Variants in TARS3 observed in about 807,000 individuals in gnomAD.
The protein encoded by TARS3 is threonyl-tRNA synthetase 3.
A neutral mutation model predicts 103.5 loss-of-function variants in TARS3; 94 were observed. The observed-to-expected ratio is 0.91, with a 90% CI of 0.77 to 1.08. TARS3 has a LOEUF of 1.08. Ranked by LOEUF, TARS3 falls within the 50% of genes least tolerant of loss-of-function variation. The probability of loss-of-function intolerance (pLI) is 0.00; values close to 1 mark genes in which losing one functional copy is unlikely to be tolerated. For missense variants in TARS3, 952 were observed against 995.2 expected (o/e 0.96, Z 0.58); for synonymous variants, 416 against 355.4 (o/e 1.17, Z -1.92).
intron 10 of TARS3, among the ~76,000 whole-genome samples, chr15:101,695,255 C>A (rs1251753907): frequency 6.6e-6 from 1 of 152,090 alleles, no homozygotes; most frequent in Non-Finnish European, 1.5e-5. Flanking sequence ...CCCTCCTGAC[C>A]CCCTGGAGTC....
In TARS3 at chr15:101,701,160, C is replaced by T. The variant is rs768862987; in HGVS notation, c.1246G>A (p.Asp416Asn). 5.6e-6 allele frequency: 9 copies of T among 1,594,868 alleles called. No individual in the cohort carries two copies. The African/African-American group carries it at 6.8e-5, about 12-fold the overall frequency. Residue 416 changes from aspartate (D) to asparagine (N), a missense_variant, in exon 10 of 19, where the codon GAT (aspartate) becomes AAT (asparagine). Physicochemically the swap from Asp to Asn is conservative, Grantham distance 23. Transcript: ENST00000335968. Reference protein sequence around the residue: ...GKEQELFFFHDLSPGSCFFLP... With the variant: ...GKEQELFFFHNLSPGSCFFLP... ...AAAAAACAGCTTCCAGGACTCAAAT[C>T]GTGGAAAAAGAAAAGTTCTTGTTCC...
intron 12 of TARS3, among the ~76,000 whole-genome samples, chr15:101,681,838 G>T (rs1898267029): frequency 6.6e-6 from 1 of 152,152 alleles, no homozygotes. Context: ...TATAAATTTT[G>T]GGAGTCACAA....
chr15:101,715,094 G>C, intron 3 of TARS3, 131 bp from the exon 4 acceptor site: 4 of 733,904 alleles, frequency 5.5e-6, no homozygotes, highest in Non-Finnish European at 7.9e-6. Flanking sequence ...TAATAGGACA[G>C]ATATTTCTTG....
At chr15:101,722,872 T>C (rs62027626) in intron 2 of TARS3, among the ~76,000 whole-genome samples, 35,057 of 151,760 alleles carry the variant, frequency 0.23, 4,314 homozygotes, top group African/African-American at 0.26. Flanking sequence ...AGTACTCTAG[T>C]AGCACAACTT....
intron 12 of TARS3, among the ~76,000 whole-genome samples, chr15:101,681,576 C>T (rs1418287407): frequency 6.6e-6 from 1 of 152,216 alleles, no homozygotes; most frequent in Non-Finnish European, 1.5e-5. Context: ...CACAGTTCTG[C>T]AGGCTGGGAA....
In TARS3 at chr15:101,686,384, G is replaced by A. The variant is rs1456395746; in HGVS notation, c.1321-322C>T. 1.3e-5 allele frequency among the ~76,000 whole-genome samples: 2 copies of A among 152,048 alleles called. 1 individual carries two copies. On this transcript the variant is annotated intron_variant, in intron 10 of 18. Coordinates refer to ENST00000335968, the MANE Select transcript of TARS3 (RefSeq NM_152334.3). The stretch of plus-strand genomic sequence containing the variant: ...AACTACTCCAAAGTCCTTCTAAACA[G>A]GTTTTTTCCTATTAAGAGGCAGAAA...
intron 4 of TARS3, among the ~76,000 whole-genome samples, chr15:101,714,065 A>G (rs898444022): frequency 6.6e-6 from 1 of 152,214 alleles, no homozygotes; most frequent in Non-Finnish European, 1.5e-5. Flanking sequence ...GGGCGACTGC[A>G]ACGTTCAGGC....
intron 6 of TARS3, among the ~76,000 whole-genome samples, chr15:101,708,257 GAAAAAAAAAAAAAA>G (rs60601502): frequency 4.1e-5 from 2 of 48,602 alleles, no homozygotes; most frequent in African/African-American, 1.8e-4. Flanking sequence ...GACTCTGTCT[GAAAAAAAAAAAAAA>G]AAAAAAAAAA....
intron 8 of TARS3, among the ~76,000 whole-genome samples, chr15:101,702,652 C>A (rs1022727650): frequency 1.3e-5 from 2 of 152,152 alleles, no homozygotes; most frequent in African/African-American, 2.4e-5. Flanking sequence ...TGCCTGTAAT[C>A]CCAGCTACTT....
chr15:101,673,470 G>A (rs1160371519), intron 13 of TARS3, among the ~76,000 whole-genome samples: 1 of 152,162 alleles, frequency 6.6e-6, no homozygotes, highest in African/African-American at 2.4e-5. Flanking sequence ...CTCAGGAAGT[G>A]GGTGTCATTG....
intron 3 of TARS3, among the ~76,000 whole-genome samples, chr15:101,720,775 G>A (rs1180540793): frequency 6.6e-6 from 1 of 152,152 alleles, no homozygotes; most frequent in East Asian, 1.9e-4. Flanking sequence ...GAATCACAGG[G>A]GCTGTTACCT....
chr15:101,702,657 C>T (rs377102626), intron 8 of TARS3, among the ~76,000 whole-genome samples: 1 of 152,180 alleles, frequency 6.6e-6, no homozygotes, highest in African/African-American at 2.4e-5. Flanking sequence ...GTAATCCCAG[C>T]TACTTGGGAG....
chr15:101,718,774 T>G (rs1900297222), intron 3 of TARS3, among the ~76,000 whole-genome samples: 1 of 152,202 alleles, frequency 6.6e-6, no homozygotes, highest in Non-Finnish European at 1.5e-5. Context: ...AGAAGATTCT[T>G]TAAGTGAGAT....
At chr15:101,671,405 T>G in intron 15 of TARS3, 81 bp downstream of exon 15, 1 of 1,034,060 alleles carries the variant, frequency 9.7e-7, no homozygotes. Context: ...TTCACTAATG[T>G]TTATTTTTGC....
At chr15:101,675,919 G>A (rs1898003841) in intron 12 of TARS3, among the ~76,000 whole-genome samples, 182 bp from the exon 13 acceptor site, 1 of 151,942 alleles carries the variant, frequency 6.6e-6, no homozygotes, top group Non-Finnish European at 1.5e-5. Context: ...GGCACGTGCA[G>A]GGAATGGAGA....
At chr15:101,655,689 G>C (rs1448935078) in intron 18 of TARS3, among the ~76,000 whole-genome samples, 1 of 148,116 alleles carries the variant, frequency 6.8e-6, no homozygotes. Flanking sequence ...GACTCCACCT[G>C]GCACTAGGGT....
rs920326388 is a variant in TARS3, at chr15:101,672,769, C to T, written c.1789-1021G>A. Among the ~76,000 whole-genome samples the T allele has an allele frequency of 2.0e-5, 3 of 152,238 alleles. No homozygotes were observed. The South Asian group carries it at 6.2e-4, about 32-fold the overall frequency. On this transcript the variant is annotated intron_variant, in intron 13 of 18. Coordinates refer to ENST00000335968, the MANE Select transcript of TARS3 (RefSeq NM_152334.3). ...TCTACTTAGGACCAGAGAAAGCCACCCCACGGAGACACTTCCGGGGCCTGG... is the reference window on the plus strand; with the variant it reads ...TCTACTTAGGACCAGAGAAAGCCACTCCACGGAGACACTTCCGGGGCCTGG...
At chr15:101,718,901 T>G (rs966359921) in intron 3 of TARS3, among the ~76,000 whole-genome samples, 3 of 152,240 alleles carry the variant, frequency 2.0e-5, no homozygotes, top group Non-Finnish European at 2.9e-5. Context: ...TCTGTGACTA[T>G]GTGATCCTTA....
chr15:101,689,552 A>G, intron 10 of TARS3, among the ~76,000 whole-genome samples: 1 of 152,192 alleles, frequency 6.6e-6, no homozygotes, highest in Non-Finnish European at 1.5e-5. Context: ...AGATGCACAC[A>G]AGGGGAAGAC....
Sources: allele counts gnomAD v4.1 joint callset (sites outside exome capture counted in the v4.1 genomes callset), GRCh38; gene constraint gnomAD v4.1.1; transcripts MANE v1.5; gene names NCBI Gene and HGNC (gene_info 2026-07-23, HGNC 2026-07-21).